The following PCSK2 variants were observed in gnomAD, a reference collection of about 807,000 sequenced individuals.
PCSK2 encodes the protein neuroendocrine convertase 2.
In PCSK2, 14 loss-of-function variants were observed where a neutral mutation model predicts 69.7. The ratio of observed to expected loss-of-function variants is 0.20; its 90% CI spans 0.13 to 0.31. PCSK2 has a LOEUF of 0.31. Among genes scored for constraint, PCSK2 ranks in the 10% least tolerant of loss-of-function variants. PCSK2 has a pLI of 1.00. For synonymous variants in PCSK2, 307 were observed against 320.7 expected (o/e 0.96, Z 0.46); for missense variants, 544 against 842.5 (o/e 0.65, Z 4.39).
At chr20:17,405,964 A>G (rs2031742077) in intron 5 of PCSK2, among the ~76,000 whole-genome samples, 1 of 152,198 alleles carries the variant, frequency 6.6e-6, no homozygotes, top group Non-Finnish European at 1.5e-5. Context: ...TCGATCCTGA[A>G]TCATCAGAGA....
chr20:17,346,519 C>T (rs1990657909), intron 2 of PCSK2, among the ~76,000 whole-genome samples: 1 of 152,180 alleles, frequency 6.6e-6, no homozygotes, highest in Non-Finnish European at 1.5e-5. Context: ...CCCAGGCAGG[C>T]TCTTTGGGGT....
intron 6 of PCSK2, among the ~76,000 whole-genome samples, chr20:17,421,277 C>T (rs1445666572): frequency 6.6e-6 from 1 of 152,202 alleles, no homozygotes; most frequent in Non-Finnish European, 1.5e-5. Context: ...CTCCAGAAAG[C>T]AATGGGTGCT....
intron 2 of PCSK2, among the ~76,000 whole-genome samples, chr20:17,347,836 GAA>G (rs1568612049): frequency 8.0e-6 from 1 of 124,492 alleles, no homozygotes; most frequent in Non-Finnish European, 1.7e-5. Flanking sequence ...AAGAAAGAAA[GAA>G]AGAAAGAAAG....
intron 8 of PCSK2, among the ~76,000 whole-genome samples, chr20:17,442,726 C>A (rs530091170): frequency 1.3e-5 from 2 of 152,198 alleles, no homozygotes; most frequent in African/African-American, 4.8e-5. Context: ...TAACGTCACA[C>A]TGGGAGCTTG....
chr20:17,448,677 G>A (rs1248945345), intron 8 of PCSK2, among the ~76,000 whole-genome samples: 1 of 152,108 alleles, frequency 6.6e-6, no homozygotes. Flanking sequence ...ACACATGGTT[G>A]TGATCACCAA....
At chr20:17,335,619 G>A (rs1178472425) in intron 2 of PCSK2, among the ~76,000 whole-genome samples, 1 of 152,056 alleles carries the variant, frequency 6.6e-6, no homozygotes, top group African/African-American at 2.4e-5. Flanking sequence ...ACTGTCCCCA[G>A]TGTGTAGTCT....
chr20:17,368,903 C>G (rs534416251), intron 4 of PCSK2, among the ~76,000 whole-genome samples: 1 of 152,314 alleles, frequency 6.6e-6, no homozygotes, highest in South Asian at 2.1e-4. Context: ...TTTTCCTCCC[C>G]AGGGCCGGTT....
chr20:17,445,702 C>G (rs1003280946), intron 8 of PCSK2, among the ~76,000 whole-genome samples: 5 of 152,342 alleles, frequency 3.3e-5, no homozygotes, highest in African/African-American at 1.2e-4. Context: ...GTGCCAGGGC[C>G]TCTGGCAGAC....
chr20:17,280,747 G>T (rs1332613808), intron 2 of PCSK2, among the ~76,000 whole-genome samples: 1 of 152,210 alleles, frequency 6.6e-6, no homozygotes, highest in Non-Finnish European at 1.5e-5. Context: ...AGATCAAAAT[G>T]ATAGCTGAGT....
intron 2 of PCSK2, among the ~76,000 whole-genome samples, chr20:17,304,543 G>A (rs993241559): frequency 6.6e-6 from 1 of 152,204 alleles, no homozygotes; most frequent in Non-Finnish European, 1.5e-5. Context: ...AATCTGGGTA[G>A]AAGATTCTTT....
chr20:17,376,784 T>C (rs2030940709), intron 5 of PCSK2, among the ~76,000 whole-genome samples: 1 of 152,262 alleles, frequency 6.6e-6, no homozygotes. Flanking sequence ...GTGTACTTTG[T>C]AAGTGTTTTG....
chr20:17,382,271 G>T (rs1568626626), intron 5 of PCSK2, among the ~76,000 whole-genome samples: 1 of 152,114 alleles, frequency 6.6e-6, no homozygotes, highest in Non-Finnish European at 1.5e-5. Context: ...TGTGTGTTTG[G>T]CCTTGTGTTT....
intron 5 of PCSK2, among the ~76,000 whole-genome samples, chr20:17,407,420 GC>G (rs1484876503): frequency 6.6e-6 from 1 of 151,878 alleles, no homozygotes; most frequent in Non-Finnish European, 1.5e-5. Flanking sequence ...TTCAATCTCA[GC>G]TTTGAAGCCC....
At chr20:17,395,900 G>A (rs1316551207) in intron 5 of PCSK2, among the ~76,000 whole-genome samples, 1 of 152,174 alleles carries the variant, frequency 6.6e-6, no homozygotes. Flanking sequence ...GGAGAAGCAG[G>A]TGATACTGAA....
At chr20:17,431,919 G>A (rs1600574727) in intron 7 of PCSK2, among the ~76,000 whole-genome samples, 1 of 152,318 alleles carries the variant, frequency 6.6e-6, no homozygotes, top group Non-Finnish European at 1.5e-5. Flanking sequence ...TCTGGGCTAA[G>A]GAGGTCTAAA....
intron 2 of PCSK2, among the ~76,000 whole-genome samples, chr20:17,339,107 C>T (rs1199692068): frequency 6.6e-6 from 1 of 152,174 alleles, no homozygotes. Flanking sequence ...TAGGGATACA[C>T]AGCACTTTTC....
chr20:17,428,835 C>T (rs1363112615), intron 6 of PCSK2, among the ~76,000 whole-genome samples: 1 of 150,894 alleles, frequency 6.6e-6, no homozygotes, highest in Admixed American at 6.6e-5. Context: ...CCCTTCTCTA[C>T]AAAAAATACA....
chr20:17,276,910 CT>C (rs1300617172), intron 2 of PCSK2, among the ~76,000 whole-genome samples: 1 of 152,130 alleles, frequency 6.6e-6, no homozygotes, highest in Non-Finnish European at 1.5e-5. Context: ...CACAAGCGTT[CT>C]TATACACCAA....
intron 2 of PCSK2, among the ~76,000 whole-genome samples, chr20:17,329,072 T>C (rs577331213): frequency 6.6e-6 from 1 of 152,170 alleles, no homozygotes; most frequent in Non-Finnish European, 1.5e-5. Context: ...TAATTAAAAA[T>C]AATAATAATT....
Sources: gnomAD v4.1 joint callset for allele counts (sites outside exome capture counted in the v4.1 genomes callset) on GRCh38, gnomAD v4.1.1 for gene constraint, MANE v1.5 for transcripts, NCBI Gene and HGNC (gene_info 2026-07-23, HGNC 2026-07-21) for gene names.